The following SEC61A1 variants were observed in gnomAD, a reference collection of about 807,000 sequenced individuals.
SEC61A1 encodes SEC61 translocon subunit alpha 1.
In SEC61A1, 15 loss-of-function variants were observed where a neutral mutation model predicts 55.2. That is an observed-to-expected ratio of 0.27 (90% CI 0.18 to 0.42). SEC61A1 has a LOEUF of 0.42. SEC61A1 is among the 10% of genes least tolerant of loss of function. SEC61A1 has a pLI of 1.00. For missense variants in SEC61A1, 284 were observed against 602.6 expected (o/e 0.47, Z 5.53); for synonymous variants, 247 against 234.0 (o/e 1.06, Z -0.51).
chr3:128,066,818 G>A lies in SEC61A1; in HGVS notation c.778-136G>A, dbSNP rs2107650579. On this transcript the variant is annotated intron_variant, in intron 8 of 11. Transcript: ENST00000243253. ...GGTAAGGAGTGGGCACAAGCTCTCG[G>A]AACTGGGAGCCCCAGAACCAGCACA... is the stretch of plus-strand genomic sequence containing the variant. 7 of 765,288 alleles carry A rather than the reference G, an allele frequency of 9.1e-6. No individual in the cohort carries two copies. In the Middle Eastern group the frequency reaches 1.5e-3, roughly 168 times the overall value. 47.4% of individuals were successfully genotyped at this position (765,288 alleles called of 1,614,324 possible).
chr3:128,054,204 T>C lies in SEC61A1; in HGVS notation c.75+1302T>C, dbSNP rs76303897. Among the ~76,000 whole-genome samples the C allele has an allele frequency of 7.9e-3, 1,198 of 152,298 alleles. 17 individuals carry two copies. The highest frequency in any genetic ancestry group is 0.028 in the African/African-American group (1,143 of 41,548). The stretch of plus-strand genomic sequence containing the variant: ...ACTGAGCAAGAATGGATTTAGGGGC[T>C]ACTAAGAAGCAGAGGAGACAGGACT... On this transcript the variant is annotated intron_variant, in intron 2 of 11. Transcript: ENST00000243253.
upstream of SEC61A1, chr3:128,052,378 A>G (rs2107639171): frequency 3.6e-6 from 4 of 1,109,456 alleles, no homozygotes; most frequent in East Asian, 1.6e-4. Context: ...AAGCGATCCG[A>G]GGCCCGGCCC....
At chr3:128,064,034 T>C (rs980490756) in intron 7 of SEC61A1, among the ~76,000 whole-genome samples, 1 of 152,092 alleles carries the variant, frequency 6.6e-6, no homozygotes, top group African/African-American at 2.4e-5. Flanking sequence ...AGGGTGTCAT[T>C]TGGATGGGAC....
In SEC61A1 at chr3:128,069,578, C is replaced by T. The variant is rs368448134; in HGVS notation, c.1347C>T (p.Leu449=). The T allele has an allele frequency of 6.9e-5, 111 of 1,614,096 alleles. 2 individuals are homozygous for T. In the South Asian group the frequency reaches 1.1e-3, roughly 15 times the overall value. ...GAIGSGTGIL[L]AVTIIYQYFE... ...TTGGGTCTGGAACCGGGATCCTGCT[C>T]GCAGTCACAATCATCTACCAGTACT... is the stretch of plus-strand genomic sequence containing the variant. The change falls in exon 12 of 12, where the codon CTC becomes CTT. Residue 449 remains leucine, a synonymous_variant. Transcript: ENST00000243253.
At chr3:128,066,747 T>C in intron 8 of SEC61A1, 1 of 580,256 alleles carries the variant, frequency 1.7e-6, no homozygotes, top group African/African-American at 1.9e-5. Context: ...TAAACCAGCT[T>C]TTCTGGGCCC....
intron 8 of SEC61A1, among the ~76,000 whole-genome samples, chr3:128,065,622 C>T (rs549332475): frequency 2.2e-4 from 33 of 152,148 alleles, no homozygotes; most frequent in African/African-American, 7.7e-4. Flanking sequence ...GGTATTTATA[C>T]GAGCTACATG....
chr3:128,060,331 ACT>A, intron 6 of SEC61A1, 120 bp downstream of exon 6: 1 of 1,042,608 alleles, frequency 9.6e-7, no homozygotes, highest in Non-Finnish European at 1.4e-6. Flanking sequence ...GAAGCCTAAG[ACT>A]CTGGGTTAGC....
chr3:128,054,492 T>C (rs1049540546), intron 2 of SEC61A1, among the ~76,000 whole-genome samples: 21 of 152,348 alleles, frequency 1.4e-4, no homozygotes, highest in African/African-American at 4.8e-4. Flanking sequence ...ATGGAGTATC[T>C]GAACACTGAT....
In SEC61A1 at chr3:128,057,050, C is replaced by T. The variant is rs564242017; in HGVS notation, c.352+210C>T. ...CTCCCAGGTTCAAGCAATTCTGCCTCAGCTTCCCGAGTAGCTGGGATTACA... is the reference window on the plus strand; with the variant it reads ...CTCCCAGGTTCAAGCAATTCTGCCTTAGCTTCCCGAGTAGCTGGGATTACA... On this transcript the variant is annotated intron_variant, in intron 5 of 11. Coordinates refer to ENST00000243253, the MANE Select transcript of SEC61A1 (RefSeq NM_013336.4). 3.9e-5 allele frequency among the ~76,000 whole-genome samples: 6 copies of T among 152,200 alleles called. No individual in the cohort carries two copies. The South Asian group carries it at 1.0e-3, about 26-fold the overall frequency.
intron 5 of SEC61A1, 70 bp downstream of exon 5, chr3:128,056,910 C>T: frequency 8.3e-7 from 1 of 1,207,332 alleles, no homozygotes; most frequent in Non-Finnish European, 1.1e-6. Context: ...ATTTTGGTAT[C>T]AGTTTTTCTT....
At position 128,060,206 on chromosome 3, in the gene SEC61A1, A is replaced by G. The variant is rs368601372; in HGVS notation, c.457A>G (p.Ile153Val). The change falls in exon 6 of 12, where the codon ATT becomes GTT. Residue 153 changes from isoleucine to valine, a missense_variant. Physicochemically the swap from Ile to Val is conservative, Grantham distance 29 (BLOSUM62 3). Coordinates refer to ENST00000243253, the MANE Select transcript of SEC61A1 (RefSeq NM_013336.4). ...MGAGICLLIT[I>V]QLFVAGLIVL... ...TGCTGGAATTTGCCTGCTAATCACC[A>G]TTCAGGTAATTATTATGCTAACATC... 7 of 1,601,196 alleles carry G rather than the reference A, an allele frequency of 4.4e-6. No individual in the cohort carries two copies. The African/African-American group carries it at 6.7e-5, about 15-fold the overall frequency.
chr3:128,054,749 T>C (rs1170200793), intron 2 of SEC61A1, among the ~76,000 whole-genome samples: 1 of 152,248 alleles, frequency 6.6e-6, no homozygotes, highest in Admixed American at 6.5e-5. Flanking sequence ...TAATGTAGTG[T>C]AGGCAGCAGG....
rs1013926814 is a variant in SEC61A1, at chr3:128,069,417, C to T, written c.1245-59C>T. 23 of 1,534,296 alleles carry T rather than the reference C, an allele frequency of 1.5e-5. No homozygotes were observed. The African/African-American group carries it at 2.2e-4, about 15-fold the overall frequency. On this transcript the variant is annotated intron_variant, in intron 11 of 11. Transcript: ENST00000243253. ...CAAAGTCTCAGGTGAGCCTGTTGGC[C>T]GCCTGGCTCACGGGGAGCTCTGTGG...
Position 128,067,425 on chromosome 3 carries a change from C to T in SEC61A1, c.980C>T (p.Thr327Met), listed in dbSNP as rs1942014236. 7 of 1,610,574 alleles carry T rather than the reference C, an allele frequency of 4.3e-6. No individual in the cohort carries two copies. The highest frequency in any genetic ancestry group is 5.9e-6 in the Non-Finnish European group (7 of 1,178,820). The part of the protein sequence containing the change: ...LVSLLGTWSD[T>M]SSGGPARAYP... ...GTTTGGTTTCTTCTTCCCCAGGACA[C>T]GTCTTCTGGGGGCCCAGCACGTGCT... The change falls in exon 10 of 12, where the codon ACG becomes ATG. Residue 327 changes from threonine to methionine, a missense_variant. Thr to Met is a moderately conservative substitution (Grantham distance 81). Transcript: ENST00000243253. The surrounding 1 kb of genome is among the most constrained non-coding windows in gnomAD (Gnocchi z 4.1).
At chr3:128,056,922 T>A (rs560925848) in intron 5 of SEC61A1, 82 bp downstream of exon 5, 2 of 1,113,474 alleles carry the variant, frequency 1.8e-6, no homozygotes, top group South Asian at 3.0e-5. Context: ...GTTTTTCTTT[T>A]TTTATTTATT....
intron 7 of SEC61A1, among the ~76,000 whole-genome samples, chr3:128,064,411 C>T (rs543030490): frequency 1.3e-5 from 2 of 151,998 alleles, no homozygotes; most frequent in South Asian, 2.1e-4. Flanking sequence ...GAGGGTGAGG[C>T]GGGAGGATTG....
intron 2 of SEC61A1, among the ~76,000 whole-genome samples, chr3:128,054,668 C>T (rs1393055118): frequency 6.6e-6 from 1 of 152,216 alleles, no homozygotes; most frequent in Non-Finnish European, 1.5e-5. Flanking sequence ...GTCAGTCTCT[C>T]ACAAGGTATT....
chr3:128,071,617 G>A lies in SEC61A1; in HGVS notation c.*1955G>A, dbSNP rs1942169628. On this transcript the variant is annotated 3_prime_UTR_variant, in exon 12 of 12. Coordinates refer to ENST00000243253, the MANE Select transcript of SEC61A1 (RefSeq NM_013336.4). ...CAGCTTCCAGGGGACTGTCACTGTGGACGCCAAAATGGCATAACTGAGATA... is the reference window on the plus strand; with the variant it reads ...CAGCTTCCAGGGGACTGTCACTGTGAACGCCAAAATGGCATAACTGAGATA... 1 of 152,716 alleles carries A rather than the reference G, an allele frequency of 6.5e-6. No homozygotes were observed. The highest frequency in any genetic ancestry group is 2.1e-4 in the South Asian group (1 of 4,836). The allele number at this position is 152,716 out of a possible 1,614,324, so 9.5% of individuals were successfully genotyped here. A position where few individuals can be genotyped will look rare whatever the true frequency, so the allele number is the denominator to read the frequency against.
At chr3:128,060,259 C>A in intron 6 of SEC61A1, 48 bp downstream of exon 6, 1 of 1,340,020 alleles carries the variant, frequency 7.5e-7, no homozygotes, top group East Asian at 2.3e-5. Flanking sequence ...TCACACTTAC[C>A]TACAATTCTC....
Sources: gnomAD v4.1 joint callset for allele counts (sites outside exome capture counted in the v4.1 genomes callset) on GRCh38, gnomAD v4.1.1 for gene constraint, Gnocchi (gnomAD v3.1) non-coding constraint, MANE v1.5 for transcripts, NCBI Gene and HGNC (gene_info 2026-07-23, HGNC 2026-07-21) for gene names.